The following PARD3B variants were observed in gnomAD, a reference collection of about 807,000 sequenced individuals.
The protein encoded by PARD3B is partitioning defective 3 homolog B.
In PARD3B, 103 loss-of-function variants were observed where a neutral mutation model predicts 130.2. That is an observed-to-expected ratio of 0.79 (90% CI 0.67 to 0.93). The LOEUF (loss-of-function observed/expected upper bound fraction) is 0.93. PARD3B is among the 40% of genes least tolerant of loss of function. The probability of loss-of-function intolerance (pLI) is 0.00; values close to 1 mark genes in which losing one functional copy is unlikely to be tolerated. For missense variants in PARD3B, 1,609 were observed against 1,499.2 expected (o/e 1.07, Z -1.21); for synonymous variants, 583 against 553.2 (o/e 1.05, Z -0.76).
At chr2:205,103,676 G>C (rs1313062434) in intron 4 of PARD3B, 3 of 982,458 alleles carry the variant, frequency 3.1e-6, no homozygotes, top group African/African-American at 1.7e-5. Context: ...AGGATTCCCT[G>C]TTAGGGAACA....
At chr2:204,747,339 A>T (rs990610230) in intron 2 of PARD3B, among the ~76,000 whole-genome samples, 2 of 152,130 alleles carry the variant, frequency 1.3e-5, no homozygotes, top group African/African-American at 4.8e-5. Flanking sequence ...CAATTGCTTC[A>T]AAGAGAATAA....
chr2:205,600,471 T>G (rs532178560), intron 22 of PARD3B, among the ~76,000 whole-genome samples: 43 of 152,288 alleles, frequency 2.8e-4, no homozygotes, highest in South Asian at 6.2e-4. Flanking sequence ...GTTGGTGGTG[T>G]TGTTGTTAAC....
chr2:204,803,034 A>AG (rs1360922593), intron 2 of PARD3B, among the ~76,000 whole-genome samples: 1 of 150,850 alleles, frequency 6.6e-6, no homozygotes, highest in African/African-American at 2.4e-5. Flanking sequence ...GAAGGAAGTG[A>AG]AAGAAATGAA....
At position 205,188,823 on chromosome 2, in the gene PARD3B, A is replaced by G. The variant is rs192959385; in HGVS notation, c.2024+2960A>G. Among the ~76,000 whole-genome samples the G allele has an allele frequency of 6.5e-3, 992 of 151,862 alleles. 9 individuals carry two copies. The highest frequency in any genetic ancestry group is 0.022 in the African/African-American group (922 of 41,458). ...AAAAAAGGAAAAGCCCTCTCAAAGG[A>G]AAAAAGGGTGTTGGAGGGATGAGGC... On this transcript the variant is annotated intron_variant, in intron 14 of 22. Coordinates refer to ENST00000406610, the MANE Select transcript of PARD3B (RefSeq NM_001302769.2).
rs2055403654 is a variant in PARD3B at position 205,615,625 on chromosome 2, C to T, written c.3430C>T (p.Pro1144Ser). The T allele has an allele frequency of 6.2e-7, 1 of 1,613,934 alleles. No homozygotes were observed. Among genetic ancestry groups the T allele is most frequent in the African/African-American group, 1.3e-5 (1 of 74,886 alleles). The part of the protein sequence containing the change: ...VADLRYPQHY[P>S]PPPAPQHKGP... ...AGATCTCCGGTATCCTCAGCACTAC[C>T]CACCCCCGCCAGCTCCCCAGCACAA... The change falls in exon 23 of 23, where the codon CCA (proline) becomes TCA (serine). Residue 1144 changes from proline to serine, a missense_variant. Physicochemically the swap from Pro to Ser is moderately conservative, Grantham distance 74 (BLOSUM62 -1). Transcript: ENST00000406610.
At chr2:204,894,117 T>G (rs188806858) in intron 2 of PARD3B, among the ~76,000 whole-genome samples, 1 of 152,228 alleles carries the variant, frequency 6.6e-6, no homozygotes, top group African/African-American at 2.4e-5. Context: ...TTGAAATGGG[T>G]TTAATGTCAT....
intron 18 of PARD3B, among the ~76,000 whole-genome samples, chr2:205,314,345 C>G (rs192767904): frequency 6.6e-6 from 1 of 152,156 alleles, no homozygotes; most frequent in African/African-American, 2.4e-5. Context: ...ATACAAAAAC[C>G]CCTTTTGACT....
intron 22 of PARD3B, among the ~76,000 whole-genome samples, chr2:205,574,855 T>TA (rs5837982): frequency 0.77 from 93,521 of 121,438 alleles, 36,325 homozygotes; most frequent in Middle Eastern, 0.87. Flanking sequence ...CACTGAGGAG[T>TA]AAAAAAAAAA....
chr2:205,418,373 T>C (rs1300713446), intron 19 of PARD3B, among the ~76,000 whole-genome samples: 3 of 152,134 alleles, frequency 2.0e-5, no homozygotes, highest in South Asian at 4.1e-4. Context: ...ATGAGGGAAA[T>C]GGCAAGATGC....
In PARD3B at chr2:205,550,326, G is replaced by A. The variant is rs1380969395; in HGVS notation, c.3181-2998G>A. On this transcript the variant is annotated intron_variant, in intron 21 of 22. Transcript: ENST00000406610. This position sits in a 1 kb window ranked among gnomAD's most constrained non-coding sequence, Gnocchi z 4.5. Reference sequence around the variant, plus strand: ...CTCAGACTTCCACAGTGATCTCATTGTACCACAATTGTTTGCAGGCCTGTT... The same window carrying A: ...CTCAGACTTCCACAGTGATCTCATTATACCACAATTGTTTGCAGGCCTGTT... Among the ~76,000 whole-genome samples, 1 of 152,150 alleles carries A rather than the reference G, an allele frequency of 6.6e-6. No homozygotes were observed. The highest frequency in any genetic ancestry group is 1.5e-5 in the Non-Finnish European group (1 of 68,040).
chr2:205,100,422 G>A (rs1510774), intron 4 of PARD3B, among the ~76,000 whole-genome samples: 34,427 of 151,572 alleles, frequency 0.23, 4,211 homozygotes, highest in South Asian at 0.39. Context: ...ATTGATCTAT[G>A]TATTCAATGC....
intron 21 of PARD3B, among the ~76,000 whole-genome samples, chr2:205,502,804 T>A (rs1019304253): frequency 6.6e-6 from 1 of 152,060 alleles, no homozygotes; most frequent in African/African-American, 2.4e-5. Context: ...TATTTTAAAA[T>A]ATATATATAA....
chr2:204,987,563 G>A (rs1265727322), intron 3 of PARD3B, among the ~76,000 whole-genome samples: 1 of 152,124 alleles, frequency 6.6e-6, no homozygotes, highest in East Asian at 1.9e-4. Context: ...TTTGTCCACT[G>A]TTGTATCTGT....
rs1420271062 is a variant in PARD3B, at chr2:204,546,098, G to A, written c.99G>A (p.Arg33=). Residue 33 remains arginine, a synonymous_variant, in exon 1 of 23, where the codon CGG becomes CGA. Transcript: ENST00000406610. ...AGCTCACCCAGCAGGCGCTGCAGCG[G>A]TACCTGAAGACCCGGGAGAAGGTGA... ...VGELTQQALQ[R]YLKTREKGPG... is the part of the protein sequence containing the mutation. 1.9e-6 allele frequency: 3 copies of A among 1,556,588 alleles called. No individual in the cohort carries two copies. The highest frequency in any genetic ancestry group is 2.4e-5 in the South Asian group (2 of 84,588).
intron 20 of PARD3B, among the ~76,000 whole-genome samples, chr2:205,468,096 G>A (rs2048694931): frequency 6.6e-6 from 1 of 152,164 alleles, no homozygotes. Flanking sequence ...TTGCCCGAAA[G>A]GAAGGCAAAA....
At chr2:204,605,326 T>C (rs1354580403) in intron 1 of PARD3B, among the ~76,000 whole-genome samples, 2 of 152,224 alleles carry the variant, frequency 1.3e-5, no homozygotes, top group African/African-American at 4.8e-5. Context: ...GCTATGACCA[T>C]GTCATAAATT....
At chr2:205,206,462 T>C (rs2037316764) in intron 15 of PARD3B, among the ~76,000 whole-genome samples, 2 of 150,084 alleles carry the variant, frequency 1.3e-5, no homozygotes, top group African/African-American at 2.5e-5. Context: ...TGAGAATATG[T>C]GGTGTTTGGT....
intron 1 of PARD3B, among the ~76,000 whole-genome samples, chr2:204,580,785 T>C (rs1377811506): frequency 6.6e-6 from 1 of 152,204 alleles, no homozygotes; most frequent in Non-Finnish European, 1.5e-5. Context: ...GAGACTGTGA[T>C]CTTGTCAATC....
intron 21 of PARD3B, among the ~76,000 whole-genome samples, chr2:205,521,874 TTATCTCTTTG>T (rs776336852): frequency 1.3e-5 from 2 of 152,078 alleles, no homozygotes; most frequent in Admixed American, 6.5e-5. Context: ...AATGTAGGAA[TTATCTCTTTG>T]TAAAGATTTT....
Sources: allele counts gnomAD v4.1 joint callset (sites outside exome capture counted in the v4.1 genomes callset), GRCh38; gene constraint gnomAD v4.1.1; non-coding constraint Gnocchi (gnomAD v3.1); transcripts MANE v1.5; gene names NCBI Gene and HGNC (gene_info 2026-07-23, HGNC 2026-07-21).